The following C2CD3 variants were observed in gnomAD, a reference collection of about 807,000 sequenced individuals.
C2CD3 encodes C2 domain-containing protein 3.
In C2CD3, 148 loss-of-function variants were observed where a neutral mutation model predicts 234.0. That is an observed-to-expected ratio of 0.63 (90% CI 0.55 to 0.72). The LOEUF (loss-of-function observed/expected upper bound fraction) is 0.72, where lower values mean the gene tolerates loss of function less well. Ranked by LOEUF, C2CD3 falls within the 30% of genes least tolerant of loss-of-function variation. The probability of loss-of-function intolerance (pLI) is 0.00; values close to 1 mark genes in which losing one functional copy is unlikely to be tolerated. For synonymous variants in C2CD3, 1,000 were observed against 1,035.4 expected (o/e 0.97, Z 0.66); for missense variants, 2,577 against 2,811.5 (o/e 0.92, Z 1.89).
intron 7 of C2CD3, among the ~76,000 whole-genome samples, chr11:74,126,077 A>C (rs1402599097): frequency 2.6e-5 from 4 of 152,244 alleles, no homozygotes; most frequent in African/African-American, 9.6e-5. Flanking sequence ...AGTGCAAGAC[A>C]GGTAAACTTC....
At chr11:74,116,893 TATATACACAC>T (rs1179857276) in intron 9 of C2CD3, among the ~76,000 whole-genome samples, 18 of 123,114 alleles carry the variant, frequency 1.5e-4, no homozygotes, top group East Asian at 2.9e-4. Context: ...CACACGTGTA[TATATACACAC>T]GTGTATGTAT....
chr11:74,033,715 G>C lies in C2CD3; in HGVS notation c.6445C>G (p.Gln2149Glu), dbSNP rs1342457603. Residue 2149 changes from glutamine (Q) to glutamate (E), a missense_variant, in exon 31 of 33, where the codon CAA (glutamine) becomes GAA (glutamate). Gln to Glu is a conservative substitution (Grantham distance 29, BLOSUM62 2). Coordinates refer to ENST00000334126, the MANE Select transcript of C2CD3 (RefSeq NM_001286577.2). ...TCACACTCACAAGCAACAAGACTTTGGCTAGGAGAACCCTGCCTAGGCAGG... is the reference window on the plus strand; with the variant it reads ...TCACACTCACAAGCAACAAGACTTTCGCTAGGAGAACCCTGCCTAGGCAGG... ...PHLPRQGSPS[Q>E]SLVACECEAS... The C allele has an allele frequency of 6.5e-6, 10 of 1,536,394 alleles. No individual in the cohort carries two copies. The highest frequency in any genetic ancestry group is 8.7e-6 in the Non-Finnish European group (10 of 1,146,946).
At chr11:74,150,512 AAAACAAAAAAAAAACAAAAC>A (rs1565348141) in intron 3 of C2CD3, among the ~76,000 whole-genome samples, 1 of 67,806 alleles carries the variant, frequency 1.5e-5, no homozygotes, top group African/African-American at 6.8e-5. Flanking sequence ...AAAAAAAAAA[AAAACAAAAAAAAAACAAAAC>A]AAATTTCTAA....
At chr11:74,018,226 C>T (rs1011692196) in intron 32 of C2CD3, among the ~76,000 whole-genome samples, 89 of 152,268 alleles carry the variant, frequency 5.8e-4, no homozygotes, top group Non-Finnish European at 4.4e-5. Flanking sequence ...TAAGATGGAG[C>T]TAGAGCCAAT....
rs777666793 is a variant in C2CD3 at position 74,139,701 on chromosome 11, G to A, written c.611C>T (p.Thr204Ile). 10 of 1,613,546 alleles carry A rather than the reference G, an allele frequency of 6.2e-6. No individual in the cohort carries two copies. In the South Asian group the frequency reaches 7.7e-5, roughly 12 times the overall value. The change falls in exon 4 of 33, where the codon ACC becomes ATC. Residue 204 changes from threonine (T) to isoleucine (I), a missense_variant. Physicochemically the swap from Thr to Ile is moderately conservative, Grantham distance 89 (BLOSUM62 -1). Transcript: ENST00000334126. ...GFRENTEPSS[T>I]QFQVPSRPRD... is the part of the protein sequence containing the mutation. Reference sequence around the variant, plus strand: ...AGGCCTTGATGGAACCTGAAACTGGGTACTGCTGGGTTCAGTATTCTCTCT... The same window carrying A: ...AGGCCTTGATGGAACCTGAAACTGGATACTGCTGGGTTCAGTATTCTCTCT...
At chr11:74,140,278 T>C (rs149178677) in intron 3 of C2CD3, among the ~76,000 whole-genome samples, 3 of 152,346 alleles carry the variant, frequency 2.0e-5, no homozygotes, top group African/African-American at 7.2e-5. Flanking sequence ...AATAGACCAA[T>C]TACTTATGGT....
At chr11:74,104,301 G>A (rs1956429586) in intron 13 of C2CD3, among the ~76,000 whole-genome samples, 1 of 152,196 alleles carries the variant, frequency 6.6e-6, no homozygotes, top group Non-Finnish European at 1.5e-5. Flanking sequence ...AAAAATATTT[G>A]CTATAAAGGC....
At chr11:74,032,136 G>A (rs1391216821) in intron 31 of C2CD3, among the ~76,000 whole-genome samples, 2 of 152,198 alleles carry the variant, frequency 1.3e-5, no homozygotes, top group Non-Finnish European at 2.9e-5. Flanking sequence ...TCCCTGACCT[G>A]GGGAGCTTAT....
At chr11:74,118,034 T>A (rs1957087970) in intron 9 of C2CD3, among the ~76,000 whole-genome samples, 194 bp downstream of exon 9, 1 of 152,132 alleles carries the variant, frequency 6.6e-6, no homozygotes, top group East Asian at 1.9e-4. Flanking sequence ...CACCACCTGT[T>A]CCCCAAAACC....
chr11:74,083,023 C>T (rs1255714441), intron 22 of C2CD3, among the ~76,000 whole-genome samples: 4 of 152,128 alleles, frequency 2.6e-5, no homozygotes, highest in Admixed American at 6.5e-5. Context: ...GGAGGCATCA[C>T]GCTACCTGAC....
At chr11:74,082,279 C>A (rs765539643) in intron 22 of C2CD3, among the ~76,000 whole-genome samples, 1 of 151,988 alleles carries the variant, frequency 6.6e-6, no homozygotes, top group Admixed American at 6.6e-5. Flanking sequence ...CCACGCCCAG[C>A]TAATTTTCTG....
At chr11:74,164,107 C>A (rs1186966216) in intron 2 of C2CD3, 1 of 810,534 alleles carries the variant, frequency 1.2e-6, no homozygotes, top group African/African-American at 1.9e-5. Flanking sequence ...CTACACTATT[C>A]ATCACTTCTA....
intron 32 of C2CD3, among the ~76,000 whole-genome samples, chr11:74,015,925 A>C (rs1951863656): frequency 6.6e-6 from 1 of 152,028 alleles, no homozygotes; most frequent in African/African-American, 2.4e-5. Context: ...AGGAAAAAAA[A>C]AATTAGCAGG....
At chr11:74,131,360 C>T (rs1957675928) in intron 7 of C2CD3, among the ~76,000 whole-genome samples, 1 of 151,234 alleles carries the variant, frequency 6.6e-6, no homozygotes, top group African/African-American at 2.4e-5. Context: ...CTATCTCTCT[C>T]TCTTTATAGA....
At position 74,033,498 on chromosome 11, in the gene C2CD3, G is replaced by A. The variant is rs1952602347; in HGVS notation, c.6662C>T (p.Ser2221Phe). The A allele has an allele frequency of 6.5e-7, 1 of 1,536,078 alleles. No individual in the cohort carries two copies. The highest frequency in any genetic ancestry group is 2.0e-5 in the Admixed American group (1 of 50,984). The change falls in exon 31 of 33, where the codon TCT becomes TTT. Residue 2221 changes from serine to phenylalanine, a missense_variant. Coordinates refer to ENST00000334126, the MANE Select transcript of C2CD3 (RefSeq NM_001286577.2). ...NEAATSELGDSADSFKKLPLN... is the reference protein window; with the variant it reads ...NEAATSELGDFADSFKKLPLN... ...CGGCAACTTCTTGAAGCTATCAGCA[G>A]AGTCACCGAGCTCACTGGTGGCAGC...
chr11:74,122,716 T>C lies in C2CD3; in HGVS notation c.1365+272A>G, dbSNP rs528258730. ...AAAGCTCTAAGGAAACCATAAAATA[T>C]ATTAATTAAACCATAGGCTTTGGAC... On this transcript the variant is annotated intron_variant, in intron 8 of 32. Transcript: ENST00000334126. Among the ~76,000 whole-genome samples, 120 of 152,306 alleles carry C rather than the reference T, an allele frequency of 7.9e-4. 1 individual carries two copies. Among genetic ancestry groups the C allele is most frequent in the Non-Finnish European group, 3.8e-4 (26 of 68,030 alleles).
intron 3 of C2CD3, among the ~76,000 whole-genome samples, chr11:74,150,505 A>C (rs976309900): frequency 3.3e-5 from 3 of 91,072 alleles, no homozygotes; most frequent in South Asian, 3.9e-4. Context: ...AAAAAAAAAA[A>C]AAAAAAAAAA....
intron 3 of C2CD3, among the ~76,000 whole-genome samples, chr11:74,159,419 A>G (rs1856285908): frequency 6.6e-6 from 1 of 152,216 alleles, no homozygotes; most frequent in Non-Finnish European, 1.5e-5. Context: ...TGTGTGACTG[A>G]CCCTAAGACC....
At chr11:74,111,641 C>T (rs145780099) in intron 11 of C2CD3, among the ~76,000 whole-genome samples, 116 of 152,174 alleles carry the variant, frequency 7.6e-4, no homozygotes, top group Middle Eastern at 3.4e-3. Context: ...GTGTATGGTG[C>T]ATTAATACTT....
Sources: allele counts gnomAD v4.1 joint callset (sites outside exome capture counted in the v4.1 genomes callset), GRCh38; gene constraint gnomAD v4.1.1; transcripts MANE v1.5; gene names NCBI Gene and HGNC (gene_info 2026-07-23, HGNC 2026-07-21).